The following IP6K2 variants were observed in gnomAD, a reference collection of about 807,000 sequenced individuals.
IP6K2 encodes inositol hexakisphosphate kinase 2.
In IP6K2, 9 loss-of-function variants were observed where a neutral mutation model predicts 43.3. The ratio of observed to expected loss-of-function variants is 0.21; its 90% CI spans 0.13 to 0.36. The LOEUF is 0.36. IP6K2 is among the 10% of genes least tolerant of loss of function. IP6K2 has a pLI of 1.00. For synonymous variants in IP6K2, 209 were observed against 202.4 expected (o/e 1.03, Z -0.28); for missense variants, 332 against 538.4 (o/e 0.62, Z 3.79).
At chr3:48,715,394 G>A (rs2081078705) in intron 1 of IP6K2, 1 of 1,536,186 alleles carries the variant, frequency 6.5e-7, no homozygotes, top group Non-Finnish European at 8.7e-7. Flanking sequence ...CTTACAGAAG[G>A]CTCTGGCATC....
At chr3:48,694,676 C>A in intron 2 of IP6K2, 1 of 1,504,866 alleles carries the variant, frequency 6.6e-7, no homozygotes, top group South Asian at 1.3e-5. Flanking sequence ...TCTGACTCAA[C>A]GCTGCTCCCC....
intron 1 of IP6K2, among the ~76,000 whole-genome samples, chr3:48,705,408 G>A (rs974759157): frequency 6.6e-6 from 1 of 152,060 alleles, no homozygotes; most frequent in South Asian, 2.1e-4. Context: ...GCCGGGCGCG[G>A]TGGCTCACAT....
At chr3:48,697,718 G>A (rs565239557) in intron 1 of IP6K2, among the ~76,000 whole-genome samples, 9 of 151,732 alleles carry the variant, frequency 5.9e-5, no homozygotes, top group African/African-American at 1.7e-4. Flanking sequence ...TCACTCTGTC[G>A]CCCAGGCTGG....
At chr3:48,710,464 T>C (rs1025020529) in intron 1 of IP6K2, among the ~76,000 whole-genome samples, 3 of 152,210 alleles carry the variant, frequency 2.0e-5, no homozygotes, top group African/African-American at 7.2e-5. Flanking sequence ...AGTTTTAACA[T>C]CTTACTCTTC....
intron 1 of IP6K2, among the ~76,000 whole-genome samples, chr3:48,709,576 C>T (rs1375960435): frequency 1.3e-5 from 2 of 152,140 alleles, no homozygotes; most frequent in Non-Finnish European, 2.9e-5. Flanking sequence ...CGGTGGCTCA[C>T]GCCTGTAATC....
At chr3:48,715,380 G>A in intron 1 of IP6K2, 6 of 1,536,194 alleles carry the variant, frequency 3.9e-6, no homozygotes, top group Non-Finnish European at 5.2e-6. Flanking sequence ...TGACATCTCA[G>A]GAGCTTACAG....
chr3:48,688,737 T>G lies in IP6K2; in HGVS notation c.817A>C (p.Asn273His), dbSNP rs150229636. Residue 273 changes from asparagine to histidine, a missense_variant, in exon 6 of 6, where the codon AAC (asparagine) becomes CAC (histidine). Coordinates refer to ENST00000328631, the MANE Select transcript of IP6K2 (RefSeq NM_016291.4). The surrounding 1 kb of genome is among the most constrained non-coding windows in gnomAD (Gnocchi z 5.1). ...GATAGCTTCCGTCCATGGTACTTGTTCATGAACATGAGCTGCCCACTGCCT... is the reference window on the plus strand; with the variant it reads ...GATAGCTTCCGTCCATGGTACTTGTGCATGAACATGAGCTGCCCACTGCCT... ...QAGSGQLMFM[N>H]KYHGRKLSVQ... 13,554 of 1,613,708 alleles carry G rather than the reference T, an allele frequency of 8.4e-3. 85 individuals are homozygous for G. The highest frequency in any genetic ancestry group is 0.01 in the Non-Finnish European group (11,828 of 1,179,774).
intron 4 of IP6K2, among the ~76,000 whole-genome samples, chr3:48,690,629 A>C (rs2077687533): frequency 6.6e-6 from 1 of 152,040 alleles, no homozygotes; most frequent in South Asian, 2.1e-4. Flanking sequence ...TCTCCACTAA[A>C]AATACAAAAA....
At chr3:48,715,427 A>C in intron 1 of IP6K2, 1 of 1,536,218 alleles carries the variant, frequency 6.5e-7, no homozygotes, top group Non-Finnish European at 8.7e-7. Flanking sequence ...GAGACTGGCA[A>C]AGGTTCATCA....
intron 1 of IP6K2, among the ~76,000 whole-genome samples, chr3:48,703,382 G>C (rs1213724350): frequency 1.3e-5 from 2 of 152,110 alleles, no homozygotes; most frequent in South Asian, 2.1e-4. Flanking sequence ...AAGACCCAAG[G>C]TTTTCAGGTT....
At chr3:48,694,385 C>G in intron 2 of IP6K2, 1 of 1,544,540 alleles carries the variant, frequency 6.5e-7, no homozygotes. Context: ...CCCAAAAGAA[C>G]CTAAGTTGTT....
At chr3:48,699,925 A>C (rs984133735) in intron 1 of IP6K2, 3 of 152,072 alleles carry the variant, frequency 2.0e-5, no homozygotes, top group Non-Finnish European at 4.4e-5. Flanking sequence ...ACAGTGGCTC[A>C]CTCCTTGTAA....
chr3:48,689,779 G>A, intron 4 of IP6K2, 66 bp from the exon 5 acceptor site: 1 of 1,410,666 alleles, frequency 7.1e-7, no homozygotes, highest in Non-Finnish European at 9.9e-7. Context: ...CACTCTCAAG[G>A]TACAGTGCCT....
At chr3:48,698,762 C>T (rs1401076949) in intron 1 of IP6K2, among the ~76,000 whole-genome samples, 5 of 152,084 alleles carry the variant, frequency 3.3e-5, no homozygotes, top group African/African-American at 9.7e-5. Flanking sequence ...CATGAGCCAC[C>T]GTGCCCAGCC....
intron 5 of IP6K2, among the ~76,000 whole-genome samples, 194 bp downstream of exon 5, chr3:48,689,344 G>A (rs2077580092): frequency 6.6e-6 from 1 of 152,064 alleles, no homozygotes; most frequent in Admixed American, 6.6e-5. Context: ...GCAGAGACAG[G>A]GTTTCGCCAT....
intron 1 of IP6K2, among the ~76,000 whole-genome samples, chr3:48,712,014 A>C (rs1485750676): frequency 6.6e-6 from 1 of 152,168 alleles, no homozygotes; most frequent in Non-Finnish European, 1.5e-5. Flanking sequence ...CATCTAAACA[A>C]ATGGGCATCA....
rs150476385 is a variant in IP6K2 at position 48,700,624 on chromosome 3, T to C, written c.-130-5203A>G. Among the ~76,000 whole-genome samples the C allele has an allele frequency of 3.1e-3, 475 of 152,328 alleles. 3 individuals carry two copies. The highest frequency in any genetic ancestry group is 0.011 in the African/African-American group (451 of 41,566). On this transcript the variant is annotated intron_variant, in intron 1 of 5. Coordinates refer to ENST00000328631, the MANE Select transcript of IP6K2 (RefSeq NM_016291.4). ...CCCTCCCCCAAATCTATCAAATTGG[T>C]TTAAGGATCTGTTGGAAACAATGCC... is the stretch of plus-strand genomic sequence containing the variant.
At chr3:48,708,871 G>T (rs1224123596) in intron 1 of IP6K2, among the ~76,000 whole-genome samples, 1 of 152,180 alleles carries the variant, frequency 6.6e-6, no homozygotes, top group African/African-American at 2.4e-5. Flanking sequence ...CCAGGAGTTT[G>T]AGAACAATCC....
chr3:48,715,567 G>A, intron 1 of IP6K2: 2 of 1,123,532 alleles, frequency 1.8e-6, no homozygotes, highest in Non-Finnish European at 2.6e-6. Context: ...CTGTTACACT[G>A]ATTTCTAGAT....
Sources: gnomAD v4.1 joint callset for allele counts (sites outside exome capture counted in the v4.1 genomes callset) on GRCh38, gnomAD v4.1.1 for gene constraint, Gnocchi (gnomAD v3.1) non-coding constraint, MANE v1.5 for transcripts, NCBI Gene and HGNC (gene_info 2026-07-23, HGNC 2026-07-21) for gene names.